Variants in MID1 observed in about 807,000 individuals in gnomAD.
The protein encoded by MID1 is midline 1.
In MID1, 7 loss-of-function variants were observed where a neutral mutation model predicts 40.4. That is an observed-to-expected ratio of 0.17 (90% CI 0.10 to 0.33). The LOEUF is 0.33. MID1 is among the 10% of genes least tolerant of loss of function. The pLI, the probability that MID1 is intolerant of heterozygous loss-of-function variation, is 1.00. For missense variants in MID1, 367 were observed against 558.5 expected (o/e 0.66, Z 3.46); for synonymous variants, 229 against 221.2 (o/e 1.04, Z -0.31).
Position 10,677,145 on chromosome X carries a change from T to G in MID1, c.-186-56726A>C, listed in dbSNP as rs145788740. Among the ~76,000 whole-genome samples, 345 of 111,918 alleles carry G rather than the reference T, an allele frequency of 3.1e-3. 5 individuals carry two copies. In the Middle Eastern group the frequency reaches 0.064, roughly 21 times the overall value. On this transcript the variant is annotated intron_variant, in intron 1 of 10. Coordinates refer to the MID1 transcript ENST00000380785. ...GCAAACATCAAGAAAAGGTGGAATA[T>G]CATATATGAAAAAGTGATCGATATG... is the stretch of plus-strand genomic sequence containing the variant.
intron 1 of MID1, among the ~76,000 whole-genome samples, chrX:10,641,791 A>G (rs2147565892): frequency 8.9e-6 from 1 of 111,977 alleles, no homozygotes; most frequent in East Asian, 2.8e-4. Flanking sequence ...AACCAAATCC[A>G]GCAGCACATC....
At chrX:10,814,830 A>C (rs1294453677) in intron 1 of MID1, among the ~76,000 whole-genome samples, 1 of 111,972 alleles carries the variant, frequency 8.9e-6, no homozygotes, top group Non-Finnish European at 1.9e-5. Context: ...CTTTTCATTC[A>C]GAATATTCCC....
rs1020233652 is a variant in MID1, at chrX:10,556,479, C to A, written c.660+10409G>T. Among the ~76,000 whole-genome samples the A allele has an allele frequency of 2.7e-5, 3 of 111,921 alleles. No homozygotes were observed. In the East Asian group the frequency reaches 8.4e-4, roughly 31 times the overall value. Reference sequence around the variant, plus strand: ...AAAGTTTCCACCCAATTATAATTCCCTTGAGAGTTGTTCAAAGTTTCCCAT... The same window carrying A: ...AAAGTTTCCACCCAATTATAATTCCATTGAGAGTTGTTCAAAGTTTCCCAT... On this transcript the variant is annotated intron_variant, in intron 2 of 9. Coordinates refer to ENST00000317552, the MANE Select transcript of MID1 (RefSeq NM_000381.4).
intron 1 of MID1, among the ~76,000 whole-genome samples, chrX:10,599,687 T>G (rs908860644): frequency 8.9e-6 from 1 of 112,549 alleles, no homozygotes. Context: ...ATGAAAATGG[T>G]AAAGACCCAC....
chrX:10,692,781 A>G (rs1482232164), intron 1 of MID1, among the ~76,000 whole-genome samples: 2 of 112,102 alleles, frequency 1.8e-5, no homozygotes, highest in East Asian at 2.8e-4. Flanking sequence ...GAACAGGTCA[A>G]GTCTAGAATT....
intron 1 of MID1, among the ~76,000 whole-genome samples, chrX:10,701,404 G>C (rs1471218014): frequency 2.7e-5 from 3 of 111,612 alleles, no homozygotes; most frequent in South Asian, 3.7e-4. Flanking sequence ...TAGGGAGTTG[G>C]CCTCCCCCAG....
chrX:10,572,608 T>C (rs1463273704), intron 1 of MID1, among the ~76,000 whole-genome samples: 1 of 110,124 alleles, frequency 9.1e-6, no homozygotes, highest in Non-Finnish European at 1.9e-5. Context: ...AGCTTTTGCC[T>C]TTTCTTAACT....
Position 10,554,738 on chromosome X carries a change from G to C in MID1, c.660+12150C>G, listed in dbSNP as rs1030369080. On this transcript the variant is annotated intron_variant, in intron 2 of 9. Transcript: ENST00000317552. ...CAAGCTCCTTAAGTGAAGTGCATAC[G>C]GCTTCCCCATGTCTCCTAGATCTTT... 9.1e-4 allele frequency among the ~76,000 whole-genome samples: 101 copies of C among 110,720 alleles called. 1 individual carries two copies. The highest frequency in any genetic ancestry group is 3.0e-3 in the African/African-American group (90 of 30,500).
intron 9 of MID1, 69 bp downstream of exon 9, chrX:10,454,801 T>TTGACTCTCTAAGTACAGAATGAGA: frequency 1.1e-6 from 1 of 933,144 alleles, no homozygotes; most frequent in Non-Finnish European, 1.6e-6. Context: ...ACAGTATGGG[T>TTGACTCTCTAAGTACAGAATGAGA]TGACTCTCTA....
At chrX:10,798,656 C>G (rs952255329) in intron 1 of MID1, among the ~76,000 whole-genome samples, 1 of 111,464 alleles carries the variant, frequency 9.0e-6, no homozygotes, top group Non-Finnish European at 1.9e-5. Flanking sequence ...ACTCTGAGCT[C>G]ATCAGTCCCC....
At chrX:10,618,354 G>GC (rs1028891167) in intron 1 of MID1, among the ~76,000 whole-genome samples, 1 of 111,874 alleles carries the variant, frequency 8.9e-6, no homozygotes, top group African/African-American at 3.3e-5. Context: ...ATAAAGTAGG[G>GC]ATTAACCCAT....
chrX:10,674,823 T>C (rs1276006767), intron 1 of MID1, among the ~76,000 whole-genome samples: 1 of 112,296 alleles, frequency 8.9e-6, no homozygotes, highest in Non-Finnish European at 1.9e-5. Context: ...CATTTTCAGT[T>C]GAGAAAAGAA....
At chrX:10,785,084 A>G (rs2043872526) in intron 1 of MID1, among the ~76,000 whole-genome samples, 1 of 111,319 alleles carries the variant, frequency 9.0e-6, no homozygotes, top group Non-Finnish European at 1.9e-5. Flanking sequence ...CTCAGCCCAA[A>G]ATCTCCTTAA....
chrX:10,785,767 T>G (rs1384093973), intron 1 of MID1, among the ~76,000 whole-genome samples: 3 of 111,660 alleles, frequency 2.7e-5, no homozygotes, highest in East Asian at 2.8e-4. Context: ...TAGCCATATG[T>G]AGAAAGCTGA....
chrX:10,720,803 G>T (rs1425537943), intron 1 of MID1, among the ~76,000 whole-genome samples: 3 of 110,134 alleles, frequency 2.7e-5, no homozygotes, highest in Non-Finnish European at 5.7e-5. Flanking sequence ...CAACCCAAAT[G>T]TCCAACAATG....
At chrX:10,501,628 T>G in intron 3 of MID1, 45 of 847,517 alleles carry the variant, frequency 5.3e-5, no homozygotes, top group Non-Finnish European at 7.0e-5. Context: ...ATATCTGGCC[T>G]GCCTAGTCCT....
At chrX:10,743,226 A>T (rs762960450) in intron 1 of MID1, among the ~76,000 whole-genome samples, 20 of 112,456 alleles carry the variant, frequency 1.8e-4, no homozygotes, top group Non-Finnish European at 3.8e-4. Context: ...ACACCATGTG[A>T]TAAACTATTT....
chrX:10,467,168 CTTTA>C (rs1266605050), intron 7 of MID1, among the ~76,000 whole-genome samples: 5 of 111,088 alleles, frequency 4.5e-5, no homozygotes, highest in Non-Finnish European at 7.6e-5. Flanking sequence ...TGAGGCAGTT[CTTTA>C]TTTGTGCTGA....
intron 3 of MID1, chrX:10,506,071 C>T: frequency 1.0e-5 from 8 of 789,151 alleles, no homozygotes; most frequent in Non-Finnish European, 1.2e-5. Context: ...GACGCACCCA[C>T]AAGTGATATC....
Sources: gnomAD v4.1 joint callset for allele counts (sites outside exome capture counted in the v4.1 genomes callset) on GRCh38, gnomAD v4.1.1 for gene constraint, MANE v1.5 for transcripts, NCBI Gene and HGNC (gene_info 2026-07-23, HGNC 2026-07-21) for gene names.